ZNF407: variants seen among roughly 807,000 people sequenced by gnomAD.
ZNF407 encodes zinc finger protein 407.
In ZNF407, 17 loss-of-function variants were observed where a neutral mutation model predicts 131.2. That is an observed-to-expected ratio of 0.13 (90% CI 0.09 to 0.19). The LOEUF is 0.19. Ranked by LOEUF, ZNF407 falls within the 10% of genes least tolerant of loss-of-function variation. The pLI is 1.00. For synonymous variants in ZNF407, 1,156 were observed against 1,062.0 expected (o/e 1.09, Z -1.72); for missense variants, 2,681 against 2,830.6 (o/e 0.95, Z 1.20).
At chr18:74,823,958 G>A (rs1270716607) in intron 4 of ZNF407, among the ~76,000 whole-genome samples, 2 of 151,956 alleles carry the variant, frequency 1.3e-5, no homozygotes, top group Non-Finnish European at 2.9e-5. Context: ...TCACATAATT[G>A]GAATTAAAAC....
At chr18:74,687,219 A>G (rs539002006) in intron 3 of ZNF407, among the ~76,000 whole-genome samples, 100 of 152,268 alleles carry the variant, frequency 6.6e-4, no homozygotes, top group African/African-American at 2.0e-3. Flanking sequence ...TTTATGGTGT[A>G]TACTTGTAGT....
intron 1 of ZNF407, among the ~76,000 whole-genome samples, chr18:74,615,451 G>A (rs966230056): frequency 2.6e-5 from 4 of 152,216 alleles, no homozygotes; most frequent in Admixed American, 2.6e-4. Flanking sequence ...GTTGCAGTGA[G>A]CCAAGATCAT....
Position 74,936,403 on chromosome 18 carries a change from A to G in ZNF407, c.5428+15711A>G, listed in dbSNP as rs192977418. ...CTAAAGGGTTTGATATAGACCCCAA[A>G]TCTGACATGTTAGTTTATGCAGACG... On this transcript the variant is annotated intron_variant, in intron 8 of 8. Coordinates refer to ENST00000299687, the MANE Select transcript of ZNF407 (RefSeq NM_017757.3). Among the ~76,000 whole-genome samples the G allele has an allele frequency of 8.9e-3, 1,359 of 152,326 alleles. 4 individuals carry two copies. The highest frequency in any genetic ancestry group is 0.013 in the Non-Finnish European group (869 of 68,028).
At chr18:74,887,548 A>G (rs1027482064) in intron 6 of ZNF407, among the ~76,000 whole-genome samples, 1 of 152,114 alleles carries the variant, frequency 6.6e-6, no homozygotes, top group African/African-American at 2.4e-5. Context: ...ATGCAAAACC[A>G]TGAATTATTT....
chr18:74,931,535 G>A (rs1400421230), intron 8 of ZNF407, among the ~76,000 whole-genome samples: 1 of 151,912 alleles, frequency 6.6e-6, no homozygotes, highest in African/African-American at 2.4e-5. Flanking sequence ...ATTCTTTTTG[G>A]CAATTATTAA....
intron 3 of ZNF407, among the ~76,000 whole-genome samples, chr18:74,679,634 T>C (rs771095862): frequency 6.6e-6 from 1 of 152,244 alleles, no homozygotes; most frequent in Non-Finnish European, 1.5e-5. Context: ...TGTTACCTCT[T>C]AAGGCAGTCC....
intron 3 of ZNF407, among the ~76,000 whole-genome samples, chr18:74,763,732 C>T (rs1340352745): frequency 1.1e-4 from 12 of 111,820 alleles, no homozygotes; most frequent in African/African-American, 6.9e-5. Flanking sequence ...TTTTTTGAGA[C>T]GGAGTCTCGC....
At chr18:74,653,446 T>G (rs1289450427) in intron 3 of ZNF407, among the ~76,000 whole-genome samples, 1 of 151,906 alleles carries the variant, frequency 6.6e-6, no homozygotes, top group Non-Finnish European at 1.5e-5. Context: ...GTCTATGGTT[T>G]ATAAAATTAT....
chr18:74,676,759 C>T (rs550826988), intron 3 of ZNF407, among the ~76,000 whole-genome samples: 1 of 152,236 alleles, frequency 6.6e-6, no homozygotes, highest in South Asian at 2.1e-4. Context: ...TAATGATTCA[C>T]TATGTCTTTG....
chr18:74,781,546 T>G, intron 4 of ZNF407, 44 bp downstream of exon 4: 1 of 1,416,516 alleles, frequency 7.1e-7, no homozygotes, highest in Non-Finnish European at 9.4e-7. Context: ...ACAATTTGAT[T>G]TTTATTTTAG....
rs1156437350 is a variant in ZNF407, at chr18:75,005,792, G to GCTT, written c.5429-57358_5429-57357insCTT. ...TCCTTCAGTAAGCTGGAAACTTAAGGAAGTATCAAATCCCCACCCTCCTGG... is the reference window on the plus strand; with the variant it reads ...TCCTTCAGTAAGCTGGAAACTTAAGGCTTAAGTATCAAATCCCCACCCTCCTGG... On this transcript the variant is annotated intron_variant, in intron 8 of 8. Transcript: ENST00000299687. Among the ~76,000 whole-genome samples, 935 of 143,214 alleles carry GCTT rather than the reference G, an allele frequency of 6.5e-3. 36 individuals are homozygous for GCTT. The East Asian group carries it at 0.13, about 19-fold the overall frequency. The allele number at this position is 143,214 out of a possible 152,430, so 94.0% of individuals were successfully genotyped here.
intron 8 of ZNF407, among the ~76,000 whole-genome samples, chr18:74,955,964 A>G (rs868676697): frequency 3.0e-4 from 46 of 152,336 alleles, no homozygotes; most frequent in Admixed American, 5.2e-4. Flanking sequence ...CTCTAACTTA[A>G]GGAAGTTCAT....
intron 7 of ZNF407, among the ~76,000 whole-genome samples, chr18:74,912,746 T>C (rs1401774628): frequency 1.3e-5 from 2 of 152,116 alleles, no homozygotes; most frequent in Non-Finnish European, 2.9e-5. Flanking sequence ...TTATCAACAT[T>C]TGCTTTCACA....
chr18:74,655,664 A>G (rs900299710), intron 3 of ZNF407, among the ~76,000 whole-genome samples: 1 of 152,116 alleles, frequency 6.6e-6, no homozygotes, highest in African/African-American at 2.4e-5. Flanking sequence ...ACTACTATGT[A>G]ATTTGTCTAT....
At chr18:74,702,262 A>C (rs953264132) in intron 3 of ZNF407, among the ~76,000 whole-genome samples, 4 of 152,162 alleles carry the variant, frequency 2.6e-5, no homozygotes, top group Non-Finnish European at 5.9e-5. Context: ...AGAAGGATGT[A>C]TGTGTTTTAT....
In ZNF407 at chr18:74,812,118, C is replaced by T. The variant is rs1244389676; in HGVS notation, c.4877+30616C>T. ...TTTTAGGAAGCCTTTATCCTTTTGC[C>T]ATTGTCTTTGCATGAAGTAGCATGG... On this transcript the variant is annotated intron_variant, in intron 4 of 8. Transcript: ENST00000299687. 5.3e-5 allele frequency among the ~76,000 whole-genome samples: 8 copies of T among 152,082 alleles called. No individual in the cohort carries two copies. In the East Asian group the frequency reaches 7.7e-4, roughly 15 times the overall value.
chr18:74,928,710 A>G (rs1281693313), intron 8 of ZNF407, among the ~76,000 whole-genome samples: 1 of 152,102 alleles, frequency 6.6e-6, no homozygotes, highest in Non-Finnish European at 1.5e-5. Flanking sequence ...CTCTATTTCA[A>G]TGTTAATGCC....
intron 8 of ZNF407, among the ~76,000 whole-genome samples, chr18:74,979,051 C>T (rs977896933): frequency 1.3e-5 from 2 of 152,102 alleles, no homozygotes; most frequent in African/African-American, 4.8e-5. Flanking sequence ...ACTTCGCGGG[C>T]AGCACTGCTT....
intron 3 of ZNF407, among the ~76,000 whole-genome samples, chr18:74,682,531 T>A (rs1033632895): frequency 3.9e-5 from 6 of 152,220 alleles, no homozygotes; most frequent in African/African-American, 1.4e-4. Flanking sequence ...TAGTTTAGTT[T>A]TCTAAGGTGT....
Sources: gnomAD v4.1 joint callset for allele counts (sites outside exome capture counted in the v4.1 genomes callset) on GRCh38, gnomAD v4.1.1 for gene constraint, MANE v1.5 for transcripts, NCBI Gene and HGNC (gene_info 2026-07-23, HGNC 2026-07-21) for gene names.